Variants in SGK1 observed in about 807,000 individuals in gnomAD.
SGK1 encodes serine/threonine-protein kinase Sgk1.
SGK1 carries 26 observed loss-of-function variants against 64.2 expected under a neutral mutation model. That is an observed-to-expected ratio of 0.40 (90% confidence interval 0.30 to 0.56). The LOEUF is 0.56. SGK1 is among the 20% of genes least tolerant of loss of function. The probability of loss-of-function intolerance (pLI) is 0.38; values close to 1 mark genes in which losing one functional copy is unlikely to be tolerated. For synonymous variants in SGK1, 265 were observed against 239.7 expected (o/e 1.11, Z -0.98); for missense variants, 519 against 645.6 (o/e 0.80, Z 2.12).
chr6:134,242,580 GCTTTATAGTC>G (rs1776465906), intron 2 of SGK1, among the ~76,000 whole-genome samples: 1 of 151,520 alleles, frequency 6.6e-6, no homozygotes, highest in African/African-American at 2.4e-5. Context: ...ACCCACAGTT[GCTTTATAGTC>G]CTTCAGACAT....
At chr6:134,212,031 G>A (rs1775898083) in intron 2 of SGK1, among the ~76,000 whole-genome samples, 1 of 147,760 alleles carries the variant, frequency 6.8e-6, no homozygotes, top group Non-Finnish European at 1.5e-5. Context: ...TGAAACTTTG[G>A]TTCCTGTTTT....
At chr6:134,194,520 CTTTT>C (rs71708614) in intron 3 of SGK1, among the ~76,000 whole-genome samples, 2 of 138,682 alleles carry the variant, frequency 1.4e-5, no homozygotes, top group Admixed American at 7.3e-5. Context: ...AAAAGTTTTT[CTTTT>C]TTTTTTTTTT....
At chr6:134,237,166 T>C (rs1362728117) in intron 2 of SGK1, among the ~76,000 whole-genome samples, 2 of 150,914 alleles carry the variant, frequency 1.3e-5, no homozygotes, top group East Asian at 4.0e-4. Context: ...GCGATCCTCC[T>C]ACCTTAGCCT....
intron 3 of SGK1, among the ~76,000 whole-genome samples, chr6:134,181,149 A>G (rs905584390): frequency 6.6e-6 from 1 of 152,100 alleles, no homozygotes; most frequent in Non-Finnish European, 1.5e-5. Flanking sequence ...TAAGACACAC[A>G]TATTAAAGGT....
At chr6:134,282,975 A>T (rs1284662604) in intron 1 of SGK1, 2 of 151,896 alleles carry the variant, frequency 1.3e-5, no homozygotes, top group Non-Finnish European at 2.9e-5. Context: ...CAGTTTTTGA[A>T]TATTTGAATA....
chr6:134,218,759 A>T (rs941362287), intron 2 of SGK1: 9 of 152,166 alleles, frequency 5.9e-5, no homozygotes, highest in African/African-American at 2.2e-4. Context: ...TGATGCTGGT[A>T]GTTGAGGTGG....
intron 1 of SGK1, among the ~76,000 whole-genome samples, chr6:134,273,588 G>A (rs1355040773): frequency 1.3e-4 from 5 of 38,918 alleles, no homozygotes; most frequent in African/African-American, 8.9e-4. Context: ...GCGAGACTCC[G>A]TCTCAAAAAA....
chr6:134,200,232 T>C (rs767775700), intron 3 of SGK1, among the ~76,000 whole-genome samples: 23 of 152,232 alleles, frequency 1.5e-4, no homozygotes, highest in South Asian at 4.1e-4. Context: ...TGAGAAATTC[T>C]AAGCCCTGTG....
At chr6:134,286,091 G>T (rs1235813464) in intron 1 of SGK1, among the ~76,000 whole-genome samples, 1 of 152,172 alleles carries the variant, frequency 6.6e-6, no homozygotes, top group East Asian at 1.9e-4. Flanking sequence ...TTGTAGAGAG[G>T]TTTCGTTAGT....
intron 1 of SGK1, among the ~76,000 whole-genome samples, chr6:134,315,220 A>G (rs996131136): frequency 6.6e-6 from 1 of 152,226 alleles, no homozygotes; most frequent in Non-Finnish European, 1.5e-5. Flanking sequence ...GACAAAAATC[A>G]AAGAATTTAT....
intron 2 of SGK1, among the ~76,000 whole-genome samples, chr6:134,209,208 C>T (rs924553330): frequency 3.3e-5 from 5 of 152,070 alleles, no homozygotes; most frequent in East Asian, 1.9e-4. Context: ...CCGAGGCGGG[C>T]GGATCAGCTG....
At chr6:134,303,409 A>G (rs1242910458) in intron 1 of SGK1, among the ~76,000 whole-genome samples, 1 of 151,886 alleles carries the variant, frequency 6.6e-6, no homozygotes, top group African/African-American at 2.4e-5. Flanking sequence ...AAAAAGAAAA[A>G]AAAAGATAGT....
intron 2 of SGK1, among the ~76,000 whole-genome samples, chr6:134,236,889 G>A (rs1309258793): frequency 6.6e-6 from 1 of 152,106 alleles, no homozygotes; most frequent in Non-Finnish European, 1.5e-5. Flanking sequence ...GATTCAGATA[G>A]AAGCCATCAC....
chr6:134,200,010 AAC>A (rs1775657001), intron 3 of SGK1, among the ~76,000 whole-genome samples: 1 of 152,200 alleles, frequency 6.6e-6, no homozygotes. Flanking sequence ...ACTGGGGAAA[AAC>A]ACACATTTTG....
At chr6:134,296,601 C>T (rs778788562) in intron 1 of SGK1, among the ~76,000 whole-genome samples, 2 of 151,970 alleles carry the variant, frequency 1.3e-5, no homozygotes, top group East Asian at 1.9e-4. Context: ...AGATTACAGG[C>T]GTGAACCACA....
At chr6:134,304,868 A>G (rs1355324801) in intron 1 of SGK1, among the ~76,000 whole-genome samples, 1 of 152,240 alleles carries the variant, frequency 6.6e-6, no homozygotes, top group African/African-American at 2.4e-5. Context: ...CAATTTGTTC[A>G]CTGAAATTTA....
chr6:134,207,002 A>C (rs374947649), intron 3 of SGK1, among the ~76,000 whole-genome samples: 1 of 151,932 alleles, frequency 6.6e-6, no homozygotes, highest in Non-Finnish European at 1.5e-5. Context: ...GAGGCGGGCG[A>C]ATCACAAGGT....
intron 1 of SGK1, among the ~76,000 whole-genome samples, chr6:134,301,203 TGAATAACA>T: frequency 6.6e-6 from 1 of 152,316 alleles, no homozygotes; most frequent in Non-Finnish European, 1.5e-5. Flanking sequence ...ACTAAGTTTC[TGAATAACA>T]GATTACATTT....
intron 2 of SGK1, chr6:134,211,395 C>G (rs1775887452): frequency 6.6e-6 from 1 of 152,122 alleles, no homozygotes; most frequent in Non-Finnish European, 1.5e-5. Flanking sequence ...GAAAAAAGGA[C>G]AGGCCTCTTG....
Sources: allele counts gnomAD v4.1 joint callset (sites outside exome capture counted in the v4.1 genomes callset), GRCh38; gene constraint gnomAD v4.1.1; transcripts MANE v1.5; gene names NCBI Gene and HGNC (gene_info 2026-07-23, HGNC 2026-07-21).